The following PDE1A variants were observed in gnomAD, a reference collection of about 807,000 sequenced individuals.
PDE1A encodes the protein dual specificity calcium/calmodulin-dependent 3',5'-cyclic nucleotide phosphodiesterase 1A.
Under a neutral mutation model 61.7 loss-of-function variants are expected in PDE1A, and 35 were observed. The observed-to-expected ratio is 0.57, with a 90% CI of 0.43 to 0.75. The LOEUF (loss-of-function observed/expected upper bound fraction) is 0.75, where lower values mean the gene tolerates loss of function less well. Among genes scored for constraint, PDE1A ranks in the 30% least tolerant of loss-of-function variants. The probability of loss-of-function intolerance (pLI) is 0.00; values close to 1 mark genes in which losing one functional copy is unlikely to be tolerated. For synonymous variants in PDE1A, 232 were observed against 213.2 expected (o/e 1.09, Z -0.77); for missense variants, 597 against 630.6 (o/e 0.95, Z 0.57).
intron 2 of PDE1A, among the ~76,000 whole-genome samples, chr2:182,457,087 G>A (rs997409518): frequency 6.6e-6 from 1 of 152,038 alleles, no homozygotes; most frequent in Non-Finnish European, 1.5e-5. Context: ...GTTGGTACAC[G>A]TTCCCTTTCT....
intron 2 of PDE1A, among the ~76,000 whole-genome samples, chr2:182,256,546 TAA>T (rs1274094834): frequency 1.3e-5 from 2 of 152,010 alleles, no homozygotes; most frequent in Admixed American, 1.3e-4. Flanking sequence ...CATGCTGCTA[TAA>T]AGACACATGC....
At chr2:182,327,193 G>T (rs1336319008) in intron 1 of PDE1A, among the ~76,000 whole-genome samples, 2 of 152,198 alleles carry the variant, frequency 1.3e-5, no homozygotes, top group African/African-American at 4.8e-5. Flanking sequence ...TGTAATGTTA[G>T]ATGATGATCA....
chr2:182,451,054 G>A (rs1167203032), intron 2 of PDE1A, among the ~76,000 whole-genome samples: 1 of 152,040 alleles, frequency 6.6e-6, no homozygotes, highest in Non-Finnish European at 1.5e-5. Context: ...GGAAATACAT[G>A]CTTGAAAGAT....
At chr2:182,195,527 A>G (rs546446362) in intron 10 of PDE1A, among the ~76,000 whole-genome samples, 2 of 152,256 alleles carry the variant, frequency 1.3e-5, no homozygotes, top group South Asian at 4.1e-4. Context: ...CATAAAATAC[A>G]GTCTTTAACA....
chr2:182,472,749 C>T (rs932220280), intron 2 of PDE1A, among the ~76,000 whole-genome samples: 1 of 148,018 alleles, frequency 6.8e-6, no homozygotes, highest in African/African-American at 2.4e-5. Flanking sequence ...TCTAGCTCAA[C>T]TGCTATTAAA....
intron 2 of PDE1A, 137 bp downstream of exon 2, chr2:182,264,164 C>T: frequency 1.8e-6 from 1 of 556,038 alleles, no homozygotes; most frequent in South Asian, 3.0e-5. Flanking sequence ...AAGAACATTT[C>T]AAATTTTAAT....
intron 2 of PDE1A, among the ~76,000 whole-genome samples, chr2:182,453,457 G>A (rs1271197201): frequency 1.3e-5 from 2 of 151,704 alleles, no homozygotes; most frequent in African/African-American, 4.8e-5. Context: ...CTGTGTGCAG[G>A]AAATTACTTT....
intron 1 of PDE1A, among the ~76,000 whole-genome samples, chr2:182,303,932 C>T (rs772128528): frequency 2.0e-5 from 3 of 151,744 alleles, no homozygotes; most frequent in Admixed American, 1.3e-4. Flanking sequence ...GATGGAGTCT[C>T]GCTGTGTCGC....
At chr2:182,153,388 A>G (rs1002494830) in intron 13 of PDE1A, among the ~76,000 whole-genome samples, 5 of 152,222 alleles carry the variant, frequency 3.3e-5, no homozygotes, top group Non-Finnish European at 4.4e-5. Context: ...TTGAAAAGAA[A>G]AATGATATGC....
rs146591716 is a variant in PDE1A, at chr2:182,333,757, C to A, written c.54-69343G>T. On this transcript the variant is annotated intron_variant, in intron 1 of 13. Transcript: ENST00000351439. ...AGCAGAACTAAAGGAGATAGAGACA[C>A]GAAAAACCCTTCAAAAAATCAATGA... Among the ~76,000 whole-genome samples the A allele has an allele frequency of 2.6e-3, 400 of 152,040 alleles. 4 individuals are homozygous for A. Among genetic ancestry groups the A allele is most frequent in the Admixed American group, 7.8e-3 (119 of 15,244 alleles).
At chr2:182,683,248 T>C in the PDE1A span, among the ~76,000 whole-genome samples, 1 of 151,854 alleles carries the variant, frequency 6.6e-6, no homozygotes, top group Non-Finnish European at 1.5e-5. Context: ...TGCTGTAATT[T>C]TTGTACTTTT....
the PDE1A span, among the ~76,000 whole-genome samples, chr2:182,554,502 G>C: frequency 2.0e-5 from 3 of 152,164 alleles, no homozygotes; most frequent in South Asian, 6.2e-4. Context: ...CAGGAATGAA[G>C]TATCTAGTGA....
intron 2 of PDE1A, among the ~76,000 whole-genome samples, chr2:182,447,051 A>C (rs537584739): frequency 4.0e-5 from 6 of 151,816 alleles, no homozygotes; most frequent in Non-Finnish European, 8.8e-5. Context: ...AATTACACTT[A>C]CAAGTTGGTT....
In PDE1A at chr2:182,275,271, C is replaced by A. The variant is rs893536376; in HGVS notation, c.54-10857G>T. Among the ~76,000 whole-genome samples the A allele has an allele frequency of 4.6e-5, 7 of 152,182 alleles. No homozygotes were observed. In the East Asian group the frequency reaches 1.2e-3, roughly 25 times the overall value. On this transcript the variant is annotated intron_variant, in intron 1 of 13. Transcript: ENST00000351439. ...AGAGACACAACTAATGTAAGAGAGG[C>A]TTCCTCAAGGCAGACAGAGAGGGAG... is the stretch of plus-strand genomic sequence containing the variant.
chr2:182,431,625 T>G (rs138803118), upstream of PDE1A, among the ~76,000 whole-genome samples: 62 of 152,260 alleles, frequency 4.1e-4, no homozygotes, highest in African/African-American at 1.4e-3. Flanking sequence ...AGCATTTTGT[T>G]CATTCTTTAT....
the PDE1A span, among the ~76,000 whole-genome samples, chr2:182,639,101 G>A: frequency 6.6e-6 from 1 of 152,146 alleles, no homozygotes; most frequent in East Asian, 1.9e-4. Context: ...TACATCATAA[G>A]TAGATAAAAA....
intron 11 of PDE1A, among the ~76,000 whole-genome samples, chr2:182,187,301 C>T (rs1251633982): frequency 1.3e-5 from 2 of 152,182 alleles, no homozygotes; most frequent in African/African-American, 2.4e-5. Flanking sequence ...TAGAAAATGA[C>T]ACACAGAGAA....
chr2:182,236,624 T>A (rs1476722363), intron 3 of PDE1A, among the ~76,000 whole-genome samples: 1 of 152,214 alleles, frequency 6.6e-6, no homozygotes, highest in Non-Finnish European at 1.5e-5. Flanking sequence ...ATTTGTAAAA[T>A]GAGAATAATT....
intron 1 of PDE1A, among the ~76,000 whole-genome samples, chr2:182,389,089 A>G (rs1165920787): frequency 1.3e-5 from 2 of 152,166 alleles, no homozygotes; most frequent in African/African-American, 4.8e-5. Context: ...AGTTCTCAAA[A>G]TAAGTTCAAT....
Sources: gnomAD v4.1 joint callset for allele counts (sites outside exome capture counted in the v4.1 genomes callset) on GRCh38, gnomAD v4.1.1 for gene constraint, MANE v1.5 for transcripts, NCBI Gene and HGNC (gene_info 2026-07-23, HGNC 2026-07-21) for gene names.